The following PLEKHF2 variants were observed in gnomAD, a reference collection of about 807,000 sequenced individuals.
The protein encoded by PLEKHF2 is pleckstrin homology domain-containing family F member 2.
Under a neutral mutation model 14.7 loss-of-function variants are expected in PLEKHF2, and 4 were observed. The observed-to-expected ratio is 0.27, with a 90% CI of 0.13 to 0.62. The LOEUF (loss-of-function observed/expected upper bound fraction) is 0.62, where lower values mean the gene tolerates loss of function less well. Among genes scored for constraint, PLEKHF2 ranks in the 20% least tolerant of loss-of-function variants. PLEKHF2 has a pLI of 0.85. For missense variants in PLEKHF2, 201 were observed against 307.7 expected (o/e 0.65, Z 2.60); for synonymous variants, 90 against 103.5 (o/e 0.87, Z 0.79).
In PLEKHF2 at chr8:95,154,816, A is replaced by G. The variant is rs1810598232; in HGVS notation, c.*22A>G. 2 of 1,607,690 alleles carry G rather than the reference A, an allele frequency of 1.2e-6. No individual in the cohort carries two copies. The highest frequency in any genetic ancestry group is 1.1e-5 in the South Asian group (1 of 90,818). On this transcript the variant is annotated 3_prime_UTR_variant, in exon 2 of 2. Transcript: ENST00000315367. This position sits in a 1 kb window ranked among gnomAD's most constrained non-coding sequence, Gnocchi z 5.6. ...CTAAGGACACATTTGGGAGTATTTA[A>G]TCAGGTGTGGCTATCTGAGAAATCA...
At position 95,154,194 on chromosome 8, in the gene PLEKHF2, C is replaced by A; in HGVS notation, c.150C>A (p.Pro50=). Residue 50 remains proline, a synonymous_variant, in exon 2 of 2, where the codon CCC becomes CCA. Transcript: ENST00000315367. The surrounding 1 kb of genome is among the most constrained non-coding windows in gnomAD (Gnocchi z 5.6). ...GVLTKLCRKK[P]KARQFFLFND... Reference sequence around the variant, plus strand: ...TGACTAAGTTGTGCAGGAAAAAGCCCAAAGCAAGGCAGTTTTTCTTGTTTA... The same window carrying A: ...TGACTAAGTTGTGCAGGAAAAAGCCAAAAGCAAGGCAGTTTTTCTTGTTTA... 6.2e-7 allele frequency: 1 copy of A among 1,613,752 alleles called. No individual in the cohort carries two copies. Among genetic ancestry groups the A allele is most frequent in the African/African-American group, 1.3e-5 (1 of 74,918 alleles).
chr8:95,136,462 T>G (rs978072147), intron 1 of PLEKHF2, among the ~76,000 whole-genome samples: 1 of 152,156 alleles, frequency 6.6e-6, no homozygotes, highest in African/African-American at 2.4e-5. Context: ...TTATGAAATT[T>G]CTAAGTAGAT....
Position 95,133,811 on chromosome 8 carries a change from G to T in PLEKHF2, c.-234G>T, listed in dbSNP as rs1419521784. ...GAGGCCAGCCCAGGCAGCCGTTGTC[G>T]GGTTCGACTGGAGGGGCGGGGGAGT... On this transcript the variant is annotated 5_prime_UTR_variant, in exon 1 of 2. Coordinates refer to ENST00000315367, the MANE Select transcript of PLEKHF2 (RefSeq NM_024613.4). 1 of 151,988 alleles carries T rather than the reference G, an allele frequency of 6.6e-6. No individual in the cohort carries two copies. The highest frequency in any genetic ancestry group is 1.5e-5 in the Non-Finnish European group (1 of 67,950). The allele number at this position is 151,988 out of a possible 1,614,324, so 9.4% of individuals were successfully genotyped here.
At chr8:95,153,157 T>C (rs1370070668) in intron 1 of PLEKHF2, among the ~76,000 whole-genome samples, 3 of 152,142 alleles carry the variant, frequency 2.0e-5, no homozygotes, top group African/African-American at 7.2e-5. Flanking sequence ...TTCAGTCCTT[T>C]GGTAAAAGTG....
In PLEKHF2 at chr8:95,154,098, G is replaced by A. The variant is rs1363225846; in HGVS notation, c.54G>A (p.Val18=). ...SEANTRRISI[V]ENCFGAAGQP... ...CAAATACTAGACGTATAAGTATAGT[G>A]GAAAACTGTTTTGGAGCAGCTGGTC... The change falls in exon 2 of 2, where the codon GTG becomes GTA. Residue 18 remains valine (V), a synonymous_variant. Transcript: ENST00000315367. This position sits in a 1 kb window ranked among gnomAD's most constrained non-coding sequence, Gnocchi z 5.6. 6.2e-7 allele frequency: 1 copy of A among 1,613,564 alleles called. No homozygotes were observed. The highest frequency in any genetic ancestry group is 1.3e-5 in the African/African-American group (1 of 74,878).
intron 1 of PLEKHF2, among the ~76,000 whole-genome samples, chr8:95,143,525 T>C (rs2132107131): frequency 6.6e-6 from 1 of 152,352 alleles, no homozygotes; most frequent in African/African-American, 2.4e-5. Context: ...AGGATTCACC[T>C]GGCCACAGGA....
intron 1 of PLEKHF2, among the ~76,000 whole-genome samples, chr8:95,140,850 G>A (rs1214906749): frequency 6.6e-6 from 1 of 152,032 alleles, no homozygotes; most frequent in Non-Finnish European, 1.5e-5. Context: ...TTTTTCCTCT[G>A]CTGTTTTAGA....
At chr8:95,138,849 A>G (rs2132104910) in intron 1 of PLEKHF2, among the ~76,000 whole-genome samples, 1 of 152,316 alleles carries the variant, frequency 6.6e-6, no homozygotes, top group South Asian at 2.1e-4. Context: ...CAGCTTTTCT[A>G]TATTATAGAC....
Position 95,154,065 on chromosome 8 carries a change from C to T in PLEKHF2, c.21C>T (p.Asn7=). The change falls in exon 2 of 2, where the codon AAC becomes AAT. Residue 7 remains asparagine (N), a synonymous_variant. Coordinates refer to ENST00000315367, the MANE Select transcript of PLEKHF2 (RefSeq NM_024613.4). This position sits in a 1 kb window ranked among gnomAD's most constrained non-coding sequence, Gnocchi z 5.6. ...GAAAGATGGTGGATCGCTTGGCAAA[C>T]AGTGAAGCAAATACTAGACGTATAA... MVDRLA[N]SEANTRRISI... is the part of the protein sequence containing the mutation. 1 of 1,587,860 alleles carries T rather than the reference C, an allele frequency of 6.3e-7. No individual in the cohort carries two copies. Among genetic ancestry groups the T allele is most frequent in the Non-Finnish European group, 8.6e-7 (1 of 1,166,358 alleles).
intron 1 of PLEKHF2, among the ~76,000 whole-genome samples, chr8:95,150,012 C>T (rs1810539573): frequency 6.6e-6 from 1 of 151,976 alleles, no homozygotes; most frequent in African/African-American, 2.4e-5. Context: ...TTGCTTAGGC[C>T]CTGAACCAAA....
At chr8:95,144,451 T>C (rs1026655589) in intron 1 of PLEKHF2, among the ~76,000 whole-genome samples, 6 of 152,250 alleles carry the variant, frequency 3.9e-5, no homozygotes, top group South Asian at 2.1e-4. Context: ...ACCATAGATA[T>C]GTAATTTTTT....
At chr8:95,142,567 T>C (rs1273635461) in intron 1 of PLEKHF2, among the ~76,000 whole-genome samples, 2 of 152,240 alleles carry the variant, frequency 1.3e-5, no homozygotes, top group African/African-American at 2.4e-5. Flanking sequence ...TTTTTAGATA[T>C]TATCCAATGC....
chr8:95,137,269 CTA>C (rs1469478917), intron 1 of PLEKHF2, among the ~76,000 whole-genome samples: 1 of 152,178 alleles, frequency 6.6e-6, no homozygotes, highest in Non-Finnish European at 1.5e-5. Flanking sequence ...ACGATAGTAG[CTA>C]TTATTTTAAC....
rs558534206 is a variant in PLEKHF2 at position 95,142,407 on chromosome 8, G to A, written c.-15+8377G>A. 5.3e-5 allele frequency among the ~76,000 whole-genome samples: 8 copies of A among 151,994 alleles called. No homozygotes were observed. The East Asian group carries it at 1.5e-3, about 29-fold the overall frequency. Reference sequence around the variant, plus strand: ...GTAGCTGGGACCACAAGTGCACACCGCCACACCTGGCTAATTTATGTAATT... The same window carrying A: ...GTAGCTGGGACCACAAGTGCACACCACCACACCTGGCTAATTTATGTAATT... On this transcript the variant is annotated intron_variant, in intron 1 of 1. Coordinates refer to ENST00000315367, the MANE Select transcript of PLEKHF2 (RefSeq NM_024613.4).
At chr8:95,144,137 G>T (rs1394808611) in intron 1 of PLEKHF2, among the ~76,000 whole-genome samples, 1 of 152,066 alleles carries the variant, frequency 6.6e-6, no homozygotes, top group Non-Finnish European at 1.5e-5. Context: ...GAAGCCAAAA[G>T]ATGGGACACC....
rs114499342 is a variant in PLEKHF2 at position 95,137,776 on chromosome 8, C to T, written c.-15+3746C>T. Among the ~76,000 whole-genome samples, 187 of 152,344 alleles carry T rather than the reference C, an allele frequency of 1.2e-3. 2 individuals are homozygous for T. Among genetic ancestry groups the T allele is most frequent in the African/African-American group, 4.4e-3 (184 of 41,592 alleles). ...ACTTCACTAACTCCGGTGACCCCCA[C>T]TGCTACTCTACAACAGCAGCCTGCA... On this transcript the variant is annotated intron_variant, in intron 1 of 1. Coordinates refer to ENST00000315367, the MANE Select transcript of PLEKHF2 (RefSeq NM_024613.4).
chr8:95,149,409 T>C (rs28431240), intron 1 of PLEKHF2, among the ~76,000 whole-genome samples: 12,137 of 152,246 alleles, frequency 0.08, 659 homozygotes, highest in African/African-American at 0.14. Flanking sequence ...CACTGGCCTC[T>C]AAGCTCTGAG....
intron 1 of PLEKHF2, among the ~76,000 whole-genome samples, chr8:95,139,388 T>C (rs1346646712): frequency 6.6e-6 from 1 of 152,104 alleles, no homozygotes; most frequent in African/African-American, 2.4e-5. Flanking sequence ...ATGCCTATAG[T>C]CCCAACTACT....
At chr8:95,139,718 C>T (rs1587304087) in intron 1 of PLEKHF2, among the ~76,000 whole-genome samples, 1 of 152,076 alleles carries the variant, frequency 6.6e-6, no homozygotes, top group Non-Finnish European at 1.5e-5. Context: ...ACACCCCCTC[C>T]ACCCCCTTTC....
Sources: allele counts gnomAD v4.1 joint callset (sites outside exome capture counted in the v4.1 genomes callset), GRCh38; gene constraint gnomAD v4.1.1; non-coding constraint Gnocchi (gnomAD v3.1); transcripts MANE v1.5; gene names NCBI Gene and HGNC (gene_info 2026-07-23, HGNC 2026-07-21).